TEX11: variants seen among roughly 807,000 people sequenced by gnomAD.
TEX11 encodes testis-expressed protein 11.
A neutral mutation model predicts 84.4 loss-of-function variants in TEX11; 7 were observed. That is an observed-to-expected ratio of 0.08 (90% CI 0.05 to 0.16). The LOEUF is 0.16. TEX11 is among the 10% of genes least tolerant of loss of function. The pLI is 1.00. For missense variants in TEX11, 551 were observed against 660.5 expected (o/e 0.83, Z 1.82); for synonymous variants, 264 against 222.8 (o/e 1.18, Z -1.64).
intron 2 of TEX11, among the ~76,000 whole-genome samples, chrX:70,904,942 A>T (rs2091821730): frequency 8.9e-6 from 1 of 112,638 alleles, no homozygotes; most frequent in Non-Finnish European, 1.9e-5. Context: ...AAAATATAAA[A>T]TTTTTTGTTT....
At position 70,850,273 on chromosome X, in the gene TEX11, C is replaced by CA. The variant is rs779150188; in HGVS notation, c.525+2760dup. ...CCAAATATTTTTCATATATTTTGTA[C>CA]ACCAACCCAGTGATTTTAAAATGTG... On this transcript the variant is annotated intron_variant, in intron 7 of 29. Transcript: ENST00000374333. Among the ~76,000 whole-genome samples the CA allele has an allele frequency of 1.4e-4, 16 of 111,786 alleles. 1 individual carries two copies. The South Asian group carries it at 5.9e-3, about 41-fold the overall frequency.
At chrX:70,813,598 G>C (rs1238793212) in intron 8 of TEX11, among the ~76,000 whole-genome samples, 1 of 111,132 alleles carries the variant, frequency 9.0e-6, no homozygotes, top group Non-Finnish European at 1.9e-5. Context: ...GTTCTGGCCA[G>C]GGCAATCAGG....
chrX:70,563,968 C>A lies in TEX11; in HGVS notation c.2141-9168G>T, dbSNP rs192046450. Among the ~76,000 whole-genome samples the A allele has an allele frequency of 7.0e-4, 79 of 112,293 alleles. 1 individual carries two copies. In the East Asian group the frequency reaches 0.011, roughly 15 times the overall value. ...CTGATGCCGGGTGTGGTGGTCCACG[C>A]CTGTAATCCCAGCACTTTGGGAGGC... On this transcript the variant is annotated intron_variant, in intron 25 of 29. Coordinates refer to ENST00000374333, the MANE Select transcript of TEX11 (RefSeq NM_031276.3).
At chrX:70,737,708 G>C (rs2090706577) in intron 11 of TEX11, among the ~76,000 whole-genome samples, 1 of 108,750 alleles carries the variant, frequency 9.2e-6, no homozygotes, top group African/African-American at 3.4e-5. Context: ...AAAGCTGTCT[G>C]GTTTAAATTC....
At chrX:70,654,283 G>T (rs1409451643) in intron 16 of TEX11, among the ~76,000 whole-genome samples, 2 of 111,720 alleles carry the variant, frequency 1.8e-5, no homozygotes, top group Non-Finnish European at 1.9e-5. Flanking sequence ...CCGTGAGGGG[G>T]TATATGAAAA....
At chrX:70,642,638 C>T (rs1216717977) in intron 17 of TEX11, among the ~76,000 whole-genome samples, 1 of 95,236 alleles carries the variant, frequency 1.1e-5, no homozygotes. Context: ...TAAATGTAAT[C>T]CAGCATATAA....
chrX:70,710,603 C>G (rs989726175), intron 13 of TEX11, among the ~76,000 whole-genome samples: 9 of 107,358 alleles, frequency 8.4e-5, no homozygotes, highest in Non-Finnish European at 1.7e-4. Context: ...GAGAATGAGC[C>G]ACAGACCAAC....
intron 2 of TEX11, among the ~76,000 whole-genome samples, chrX:70,900,494 A>G (rs1271601268): frequency 9.0e-6 from 1 of 110,553 alleles, no homozygotes; most frequent in African/African-American, 3.3e-5. Context: ...GTTTATCACT[A>G]TGAGTGCCTA....
At chrX:70,572,250 A>G (rs946105738) in intron 25 of TEX11, among the ~76,000 whole-genome samples, 39 of 111,879 alleles carry the variant, frequency 3.5e-4, no homozygotes, top group Middle Eastern at 4.6e-3. Context: ...ACATGAAAAA[A>G]TGCTCACCAT....
intron 9 of TEX11, among the ~76,000 whole-genome samples, chrX:70,763,689 T>C (rs1185236331): frequency 9.0e-6 from 1 of 111,080 alleles, no homozygotes; most frequent in Non-Finnish European, 1.9e-5. Flanking sequence ...AGTGCTGATA[T>C]TTATATCACA....
At chrX:70,591,340 C>T (rs1203284037) in intron 25 of TEX11, among the ~76,000 whole-genome samples, 1 of 110,516 alleles carries the variant, frequency 9.0e-6, no homozygotes, top group African/African-American at 3.3e-5. Flanking sequence ...GTGGCTCACA[C>T]CTGTAATCCC....
chrX:70,642,721 C>A (rs1227242221), intron 17 of TEX11, among the ~76,000 whole-genome samples: 13 of 68,638 alleles, frequency 1.9e-4, no homozygotes, highest in Non-Finnish European at 3.0e-4. Context: ...ATTCAACAAC[C>A]CTTCATGCTA....
At chrX:70,750,934 ATATATATAT>A (rs1197004262) in intron 9 of TEX11, among the ~76,000 whole-genome samples, 1 of 20,802 alleles carries the variant, frequency 4.8e-5, no homozygotes, top group South Asian at 4.0e-3. Context: ...AAAAAAAAAA[ATATATATAT>A]ATATATATAT....
chrX:70,520,626 T>A, the TEX11 span, among the ~76,000 whole-genome samples: 1 of 112,460 alleles, frequency 8.9e-6, no homozygotes, highest in East Asian at 2.8e-4. Flanking sequence ...AGTCTGTCTG[T>A]TCTCAGAGCT....
chrX:70,539,038 A>ATATATATATATATTTTTT, intron 28 of TEX11, among the ~76,000 whole-genome samples: 12 of 41,243 alleles, frequency 2.9e-4, no homozygotes, highest in Non-Finnish European at 4.9e-4. Flanking sequence ...ATATATATAT[A>ATATATATATATATTTTTT]TTTTTTTTTT....
At chrX:70,851,988 A>G (rs1288995138) in intron 7 of TEX11, among the ~76,000 whole-genome samples, 1 of 111,905 alleles carries the variant, frequency 8.9e-6, no homozygotes. Flanking sequence ...AGCAATGAGG[A>G]ATGACTGCTA....
At chrX:70,821,659 A>G (rs1361952534) in intron 8 of TEX11, among the ~76,000 whole-genome samples, 2 of 112,054 alleles carry the variant, frequency 1.8e-5, no homozygotes, top group African/African-American at 6.5e-5. Context: ...GTAGTTCTTT[A>G]TAGCAATGTG....
At chrX:70,877,053 G>A (rs186029973) in intron 3 of TEX11, among the ~76,000 whole-genome samples, 1 of 111,594 alleles carries the variant, frequency 9.0e-6, no homozygotes, top group African/African-American at 3.3e-5. Flanking sequence ...CAGCACTTTG[G>A]GAGGCCGAGG....
At chrX:70,734,131 A>G (rs956532912) in intron 11 of TEX11, among the ~76,000 whole-genome samples, 3 of 110,393 alleles carry the variant, frequency 2.7e-5, no homozygotes, top group Non-Finnish European at 5.7e-5. Flanking sequence ...AGGAAGGGGA[A>G]CATCACAACC....
Sources: allele counts gnomAD v4.1 joint callset (sites outside exome capture counted in the v4.1 genomes callset), GRCh38; gene constraint gnomAD v4.1.1; transcripts MANE v1.5; gene names NCBI Gene and HGNC (gene_info 2026-07-23, HGNC 2026-07-21).